The following XPO6 variants were observed in gnomAD, a reference collection of about 807,000 sequenced individuals.
XPO6 encodes the protein exportin 6.
Under a neutral mutation model 130.0 loss-of-function variants are expected in XPO6, and 3 were observed. The observed-to-expected ratio is 0.02, with a 90% CI of 0.01 to 0.06. XPO6 has a LOEUF of 0.06. XPO6 is among the 10% of genes least tolerant of loss of function. The pLI, the probability that XPO6 is intolerant of heterozygous loss-of-function variation, is 1.00. For missense variants in XPO6, 970 were observed against 1,393.0 expected (o/e 0.70, Z 4.83); for synonymous variants, 524 against 548.9 (o/e 0.95, Z 0.63).
At chr16:28,208,293 C>G (rs771956743) in intron 1 of XPO6, among the ~76,000 whole-genome samples, 10 of 152,222 alleles carry the variant, frequency 6.6e-5, no homozygotes, top group Non-Finnish European at 2.9e-5. Context: ...AGGGCTCAAA[C>G]TTATGCCAAC....
In XPO6 at chr16:28,147,506, G is replaced by A. The variant is rs560790790; in HGVS notation, c.1225-1303C>T. On this transcript the variant is annotated intron_variant, in intron 8 of 23. Transcript: ENST00000304658. ...CAAATTCCAACTTCACGACCCAAAG[G>A]GTAGCTCTGGAACTAGACAGGACCA... Among the ~76,000 whole-genome samples the A allele has an allele frequency of 7.7e-4, 117 of 152,190 alleles. 2 individuals are homozygous for A. The highest frequency in any genetic ancestry group is 2.7e-3 in the African/African-American group (114 of 41,534).
intron 14 of XPO6, 94 bp downstream of exon 14, chr16:28,121,576 C>A (rs79394641): frequency 3.2e-6 from 3 of 925,852 alleles, no homozygotes; most frequent in East Asian, 4.9e-5. Context: ...TGATTCATGG[C>A]AGCCACTACT....
In XPO6 at chr16:28,137,853, C is replaced by T. The variant is rs577263844; in HGVS notation, c.1335-2529G>A. 2.8e-3 allele frequency among the ~76,000 whole-genome samples: 419 copies of T among 152,194 alleles called. 5 individuals are homozygous for T. Among genetic ancestry groups the T allele is most frequent in the African/African-American group, 9.7e-3 (405 of 41,544 alleles). The stretch of plus-strand genomic sequence containing the variant: ...GCATAGTACCCAATAGCTTTTCAGC[C>T]CCTGCCCTCCTCCCCACTCCCTCTC... On this transcript the variant is annotated intron_variant, in intron 9 of 23. Coordinates refer to ENST00000304658, the MANE Select transcript of XPO6 (RefSeq NM_015171.4).
intron 5 of XPO6, 55 bp from the exon 6 acceptor site, chr16:28,166,640 A>G: frequency 6.5e-7 from 1 of 1,549,840 alleles, no homozygotes; most frequent in Admixed American, 2.0e-5. Context: ...GCATATAAAA[A>G]TCATATTTAG....
chr16:28,122,703 A>C (rs2087276537), intron 13 of XPO6, among the ~76,000 whole-genome samples: 1 of 152,102 alleles, frequency 6.6e-6, no homozygotes, highest in Non-Finnish European at 1.5e-5. Context: ...CTTTTCTATA[A>C]AATTTGATAA....
At chr16:28,139,128 T>C (rs1012154736) in intron 9 of XPO6, among the ~76,000 whole-genome samples, 3 of 152,176 alleles carry the variant, frequency 2.0e-5, no homozygotes, top group Admixed American at 2.0e-4. Flanking sequence ...AAAAAGGTAA[T>C]AAAGTTATGT....
rs765074529 is a variant in XPO6, at chr16:28,164,005, C to T, written c.643+2503G>A. Among the ~76,000 whole-genome samples, 29 of 152,328 alleles carry T rather than the reference C, an allele frequency of 1.9e-4. 2 individuals are homozygous for T. The Middle Eastern group carries it at 0.02, about 107-fold the overall frequency. ...GGGAACTATGCTGAGAAATAAACCA[C>T]ACACACTCCTTCAAACTTTTTTCTA... On this transcript the variant is annotated intron_variant, in intron 6 of 23. Transcript: ENST00000304658.
chr16:28,146,918 C>G (rs889150409), intron 8 of XPO6, among the ~76,000 whole-genome samples: 2 of 152,128 alleles, frequency 1.3e-5, no homozygotes, highest in Non-Finnish European at 2.9e-5. Flanking sequence ...CTCTGAGACT[C>G]TATTTCATGC....
chr16:28,185,910 T>C (rs567634678), intron 1 of XPO6, among the ~76,000 whole-genome samples: 112 of 152,308 alleles, frequency 7.4e-4, no homozygotes, highest in Admixed American at 2.5e-3. Context: ...ACCCAAGTTT[T>C]CTGTTCCAGA....
At chr16:28,178,235 T>C (rs1253461305) in intron 2 of XPO6, among the ~76,000 whole-genome samples, 2 of 152,114 alleles carry the variant, frequency 1.3e-5, no homozygotes, top group African/African-American at 4.8e-5. Flanking sequence ...GCTAGTTCCC[T>C]ACAACTTAAG....
At chr16:28,179,981 T>C (rs1205977684) in intron 2 of XPO6, among the ~76,000 whole-genome samples, 1 of 152,210 alleles carries the variant, frequency 6.6e-6, no homozygotes, top group Non-Finnish European at 1.5e-5. Context: ...GTGAGAAATA[T>C]TTGATTTACA....
intron 1 of XPO6, among the ~76,000 whole-genome samples, chr16:28,201,806 G>A (rs1180322341): frequency 6.6e-6 from 1 of 152,146 alleles, no homozygotes; most frequent in Non-Finnish European, 1.5e-5. Flanking sequence ...AGTGAGTCGA[G>A]ATCACACCAC....
chr16:28,210,274 C>T (rs1037564429), intron 1 of XPO6, among the ~76,000 whole-genome samples: 1 of 152,190 alleles, frequency 6.6e-6, no homozygotes, highest in Non-Finnish European at 1.5e-5. Flanking sequence ...TTGAATGTTT[C>T]GAAAATTCCA....
chr16:28,151,060 G>A (rs1019383262), intron 8 of XPO6, among the ~76,000 whole-genome samples: 3 of 150,466 alleles, frequency 2.0e-5, no homozygotes, highest in Non-Finnish European at 2.9e-5. Context: ...CACATGCCAA[G>A]ATCTTCCTTG....
intron 17 of XPO6, among the ~76,000 whole-genome samples, chr16:28,108,135 A>C (rs2086827505): frequency 6.6e-6 from 1 of 152,126 alleles, no homozygotes; most frequent in South Asian, 2.1e-4. Flanking sequence ...ACTCAGTGGG[A>C]TGCTACTCCA....
chr16:28,111,801 CCTAGGGGT>C lies in XPO6; in HGVS notation c.2341+8_2341+15del. ...CTACCTCCTTCCCCAGCTGTCCTAGCCTAGGGGTCACTTACTGTCATCCAGTGGCATCT... is the reference window on the plus strand; with the variant it reads ...CTACCTCCTTCCCCAGCTGTCCTAGCCACTTACTGTCATCCAGTGGCATCT... On this transcript the variant is annotated splice_region_variant and intron_variant, in intron 17 of 23. Coordinates refer to ENST00000304658, the MANE Select transcript of XPO6 (RefSeq NM_015171.4). The C allele has an allele frequency of 6.2e-7, 1 of 1,613,362 alleles. No homozygotes were observed. Among genetic ancestry groups the C allele is most frequent in the African/African-American group, 1.3e-5 (1 of 74,992 alleles).
rs1596848846 is a variant in XPO6, at chr16:28,135,327, A to G, written c.1335-3T>C. The G allele has an allele frequency of 6.2e-7, 1 of 1,612,870 alleles. No individual in the cohort carries two copies. Among genetic ancestry groups the G allele is most frequent in the East Asian group, 2.2e-5 (1 of 44,864 alleles). The stretch of plus-strand genomic sequence containing the variant: ...GGAGCACCAGGGCATCTTCGTACCT[A>G]TGTGGCAGGGAGAAATTCAACATTG... On this transcript the variant is annotated splice_polypyrimidine_tract_variant and splice_region_variant and intron_variant, in intron 9 of 23. Coordinates refer to ENST00000304658, the MANE Select transcript of XPO6 (RefSeq NM_015171.4).
At chr16:28,125,622 C>A (rs753305878) in intron 13 of XPO6, 67 bp downstream of exon 13, 16 of 1,555,442 alleles carry the variant, frequency 1.0e-5, no homozygotes, top group Non-Finnish European at 1.4e-5. Context: ...ATATGCTGCC[C>A]CTCACACAAG....
At chr16:28,183,503 A>G (rs2043649936) in intron 1 of XPO6, 1 of 151,824 alleles carries the variant, frequency 6.6e-6, no homozygotes, top group Admixed American at 6.6e-5. Context: ...AAGCTCCAAA[A>G]CCAAATCCGG....
Sources: allele counts gnomAD v4.1 joint callset (sites outside exome capture counted in the v4.1 genomes callset), GRCh38; gene constraint gnomAD v4.1.1; transcripts MANE v1.5; gene names NCBI Gene and HGNC (gene_info 2026-07-23, HGNC 2026-07-21).